The following SETD2 variants were observed in gnomAD, a reference collection of about 807,000 sequenced individuals.
SETD2 encodes histone-lysine N-methyltransferase SETD2.
Under a neutral mutation model 242.1 loss-of-function variants are expected in SETD2, and 31 were observed. That is an observed-to-expected ratio of 0.13 (90% CI 0.10 to 0.17). The LOEUF (loss-of-function observed/expected upper bound fraction) is 0.17, where lower values mean the gene tolerates loss of function less well. Among genes scored for constraint, SETD2 ranks in the 10% least tolerant of loss-of-function variants. The pLI is 1.00. For missense variants in SETD2, 2,481 were observed against 3,046.3 expected, an observed-to-expected ratio of 0.81 and a Z score of 4.37; for synonymous variants, 1,006 against 1,066.5, an observed-to-expected ratio of 0.94 and a Z score of 1.11.
Position 47,017,271 on chromosome 3 carries a change from AAG to A in SETD2, c.7534-19_7534-18del, listed in dbSNP as rs753072684. 1 of 1,613,480 alleles carries A rather than the reference AAG, an allele frequency of 6.2e-7. No individual in the cohort carries two copies. Among genetic ancestry groups the A allele is most frequent in the Non-Finnish European group, 8.5e-7 (1 of 1,179,582 alleles). ...GTGAGTCAGCTGTCCAGGGCACAGGAAGAGAGACCACAGCCACCAATCAGAGC... is the reference window on the plus strand; with the variant it reads ...GTGAGTCAGCTGTCCAGGGCACAGGAAGAGACCACAGCCACCAATCAGAGC... On this transcript the variant is annotated intron_variant, in intron 20 of 20. Coordinates refer to ENST00000409792, the MANE Select transcript of SETD2 (RefSeq NM_014159.7). The surrounding 1 kb of genome is among the most constrained non-coding windows in gnomAD (Gnocchi z 4.8).
At position 47,133,689 on chromosome 3, in the gene SETD2, C is replaced by A. The variant is rs181939238; in HGVS notation, c.72-7026G>T. Among the ~76,000 whole-genome samples, 7 of 152,060 alleles carry A rather than the reference C, an allele frequency of 4.6e-5. No homozygotes were observed. In the South Asian group the frequency reaches 1.4e-3, roughly 31 times the overall value. On this transcript the variant is annotated intron_variant, in intron 1 of 20. Coordinates refer to ENST00000409792, the MANE Select transcript of SETD2 (RefSeq NM_014159.7). The stretch of plus-strand genomic sequence containing the variant: ...CAGAGGTTGCAGTGAGCCAACATCA[C>A]GCCACTGTACTCCAGTCTGGGCCAC...
rs571821583 is a variant in SETD2 at position 47,112,030 on chromosome 3, T to C, written c.4715+1846A>G. Among the ~76,000 whole-genome samples, 13 of 152,244 alleles carry C rather than the reference T, an allele frequency of 8.5e-5. No homozygotes were observed. The South Asian group carries it at 2.7e-3, about 32-fold the overall frequency. On this transcript the variant is annotated intron_variant, in intron 5 of 20. Transcript: ENST00000409792. Reference sequence around the variant, plus strand: ...TTATTTCCTTCCATTTTTTCTTTTATATATTTTTTAAATGTTTCAACCATA... The same window carrying C: ...TTATTTCCTTCCATTTTTTCTTTTACATATTTTTTAAATGTTTCAACCATA...
chr3:47,140,905 A>C (rs902228862), intron 1 of SETD2, among the ~76,000 whole-genome samples: 1 of 152,134 alleles, frequency 6.6e-6, no homozygotes, highest in African/African-American at 2.4e-5. Flanking sequence ...TAAGTATCGA[A>C]TACGAAGAAA....
chr3:47,129,570 G>C (rs1166353984), intron 1 of SETD2, among the ~76,000 whole-genome samples: 1 of 152,202 alleles, frequency 6.6e-6, no homozygotes, highest in Admixed American at 6.5e-5. Flanking sequence ...CACCAAATTA[G>C]ATTGAGGAAG....
intron 18 of SETD2, among the ~76,000 whole-genome samples, chr3:47,022,222 C>CACACACAT (rs1379397778): frequency 6.8e-6 from 1 of 147,524 alleles, no homozygotes; most frequent in Non-Finnish European, 1.5e-5. Context: ...CACACACACA[C>CACACACAT]ACACACACAC....
intron 1 of SETD2, among the ~76,000 whole-genome samples, chr3:47,141,855 A>G (rs2043737173): frequency 6.6e-6 from 1 of 152,120 alleles, no homozygotes; most frequent in South Asian, 2.1e-4. Flanking sequence ...GTTTTGGTAA[A>G]GAGTTTAAGC....
intron 5 of SETD2, among the ~76,000 whole-genome samples, chr3:47,110,880 T>G (rs1168514001): frequency 6.6e-6 from 1 of 151,940 alleles, no homozygotes; most frequent in Non-Finnish European, 1.5e-5. Flanking sequence ...CATATATCCT[T>G]TCCTCCCTTC....
intron 15 of SETD2, 93 bp from the exon 16 acceptor site, chr3:47,046,714 CCATAA>C (rs2039548553): frequency 9.3e-7 from 1 of 1,077,156 alleles, no homozygotes; most frequent in Admixed American, 3.4e-5. Flanking sequence ...AAAGATATAC[CCATAA>C]CATTTTAAAA....
intron 16 of SETD2, 135 bp from the exon 17 acceptor site, chr3:47,042,835 T>C: frequency 1.2e-6 from 1 of 820,706 alleles, no homozygotes; most frequent in South Asian, 1.8e-5. Context: ...AAAGGTACAG[T>C]CTGGGAAATA....
At chr3:47,139,403 C>G (rs908100214) in intron 1 of SETD2, among the ~76,000 whole-genome samples, 2 of 152,192 alleles carry the variant, frequency 1.3e-5, no homozygotes, top group African/African-American at 2.4e-5. Flanking sequence ...ATCTGACAAT[C>G]ACATACAGCC....
chr3:47,122,024 T>G lies in SETD2; in HGVS notation c.2612A>C (p.Tyr871Ser). ...AATACCTGAACTCCCAATAGGTTGA[T>G]ATAAATCATCAAAATGATTAACAGA... is the stretch of plus-strand genomic sequence containing the variant. ...SASVNHFDDLYQPIGSSGIAS... is the reference protein window; with the variant it reads ...SASVNHFDDLSQPIGSSGIAS... The change falls in exon 3 of 21, where the codon TAT (tyrosine) becomes TCT (serine). Residue 871 changes from tyrosine (Y) to serine (S), a missense_variant. Transcript: ENST00000409792. 6.2e-7 allele frequency: 1 copy of G among 1,613,904 alleles called. No individual in the cohort carries two copies. Among genetic ancestry groups the G allele is most frequent in the South Asian group, 1.1e-5 (1 of 91,082 alleles).
At chr3:47,115,013 G>A (rs1209288044) in intron 4 of SETD2, among the ~76,000 whole-genome samples, 7 of 152,058 alleles carry the variant, frequency 4.6e-5, no homozygotes, top group Non-Finnish European at 1.0e-4. Flanking sequence ...GAGTGAGGCA[G>A]TATAAAGGAA....
chr3:47,158,689 T>A (rs538074230), intron 1 of SETD2, among the ~76,000 whole-genome samples: 1 of 152,282 alleles, frequency 6.6e-6, no homozygotes, highest in South Asian at 2.1e-4. Context: ...CTAGTAGCAG[T>A]TAAGTTTTGA....
In SETD2 at chr3:47,056,336, C is replaced by T. The variant is rs562113305; in HGVS notation, c.6963+485G>A. On this transcript the variant is annotated intron_variant, in intron 15 of 20. Transcript: ENST00000409792. The stretch of plus-strand genomic sequence containing the variant: ...GAGATGGGGTTTCACCATGTTGGCC[C>T]GGCTGATCTCAAACTCCTGACTTCA... 3.3e-5 allele frequency among the ~76,000 whole-genome samples: 5 copies of T among 151,734 alleles called. No individual in the cohort carries two copies. In the South Asian group the frequency reaches 6.3e-4, roughly 19 times the overall value.
intron 1 of SETD2, among the ~76,000 whole-genome samples, chr3:47,145,144 G>GA (rs887150577): frequency 6.6e-6 from 1 of 152,026 alleles, no homozygotes; most frequent in Non-Finnish European, 1.5e-5. Context: ...CTAGAATGAT[G>GA]AAAAAAACTG....
chr3:47,142,281 T>G (rs930498526), intron 1 of SETD2, among the ~76,000 whole-genome samples: 2 of 151,802 alleles, frequency 1.3e-5, no homozygotes, highest in African/African-American at 4.8e-5. Flanking sequence ...GCTGAGGCAG[T>G]AGGGTTGTTT....
rs2038010964 is a variant in SETD2, at chr3:47,017,017, C to A, written c.*76G>T. The A allele has an allele frequency of 7.0e-7, 1 of 1,431,446 alleles. No individual in the cohort carries two copies. The highest frequency in any genetic ancestry group is 9.8e-7 in the Non-Finnish European group (1 of 1,024,576). The allele number at this position is 1,431,446 out of a possible 1,614,324, so 88.7% of individuals were successfully genotyped here. A position where few individuals can be genotyped will look rare whatever the true frequency, so the allele number is the denominator to read the frequency against. ...TAGCACAGTGCTGACAGGGGTGGGA[C>A]AGAAAGGCCCACAGGATTTCCTCTC... On this transcript the variant is annotated 3_prime_UTR_variant, in exon 21 of 21. Coordinates refer to ENST00000409792, the MANE Select transcript of SETD2 (RefSeq NM_014159.7). The surrounding 1 kb of genome is among the most constrained non-coding windows in gnomAD (Gnocchi z 4.8).
At chr3:47,113,153 G>C (rs2042724110) in intron 5 of SETD2, among the ~76,000 whole-genome samples, 2 of 150,354 alleles carry the variant, frequency 1.3e-5, no homozygotes, top group South Asian at 2.1e-4. Flanking sequence ...ATCCAGGCTA[G>C]AATGCAGTGG....
intron 7 of SETD2, 41 bp from the exon 8 acceptor site, chr3:47,101,596 T>TTG (rs1553694852): frequency 1.4e-5 from 14 of 985,712 alleles, no homozygotes; most frequent in South Asian, 6.6e-5. Flanking sequence ...AGTAACTTAT[T>TTG]AGTGTGTGTG....
Sources: allele counts gnomAD v4.1 joint callset (sites outside exome capture counted in the v4.1 genomes callset), GRCh38; gene constraint gnomAD v4.1.1; non-coding constraint Gnocchi (gnomAD v3.1); transcripts MANE v1.5; gene names NCBI Gene and HGNC (gene_info 2026-07-23, HGNC 2026-07-21).